The following RAD18 variants were observed in gnomAD, a reference collection of about 807,000 sequenced individuals.
RAD18 encodes E3 ubiquitin-protein ligase RAD18.
A neutral mutation model predicts 60.4 loss-of-function variants in RAD18; 47 were observed. That is an observed-to-expected ratio of 0.78 (90% CI 0.62 to 0.99). RAD18 has a LOEUF of 0.99. RAD18 is among the 50% of genes least tolerant of loss of function. The pLI is 0.00. For missense variants in RAD18, 640 were observed against 593.3 expected (o/e 1.08, Z -0.82); for synonymous variants, 225 against 195.5 (o/e 1.15, Z -1.26).
At chr3:8,889,345 G>C (rs1475346632) in intron 12 of RAD18, among the ~76,000 whole-genome samples, 1 of 152,074 alleles carries the variant, frequency 6.6e-6, no homozygotes, top group Non-Finnish European at 1.5e-5. Flanking sequence ...TGTAAAACAG[G>C]GATAATAGAA....
At chr3:8,927,000 C>G (rs992952985) in intron 7 of RAD18, among the ~76,000 whole-genome samples, 15 of 151,990 alleles carry the variant, frequency 9.9e-5, no homozygotes, top group Admixed American at 7.9e-4. Flanking sequence ...TAGGCATGGG[C>G]AAGGACTTCA....
chr3:8,941,444 C>A lies in RAD18; in HGVS notation c.604+23G>T, dbSNP rs943152015. The A allele has an allele frequency of 3.3e-6, 5 of 1,523,536 alleles. No homozygotes were observed. The African/African-American group carries it at 6.9e-5, about 21-fold the overall frequency. The allele number at this position is 1,523,536 out of a possible 1,614,324, so 94.4% of individuals were successfully genotyped here. A position where few individuals can be genotyped will look rare whatever the true frequency, so the allele number is the denominator to read the frequency against. On this transcript the variant is annotated intron_variant, in intron 5 of 12. Coordinates refer to ENST00000264926, the MANE Select transcript of RAD18 (RefSeq NM_020165.4). ...GTGGATGAAAAGATGTCCATATTTC[C>A]ACATATGAAAATAACTTCCTACCTT...
At chr3:8,944,303 A>T (rs1940804176) in intron 4 of RAD18, among the ~76,000 whole-genome samples, 1 of 152,174 alleles carries the variant, frequency 6.6e-6, no homozygotes, top group African/African-American at 2.4e-5. Context: ...ATAATTTAAA[A>T]CTTTTCCACA....
At chr3:8,891,075 A>AATATATATATATATATAT (rs71049753) in intron 11 of RAD18, among the ~76,000 whole-genome samples, 148 of 25,918 alleles carry the variant, frequency 5.7e-3, no homozygotes, top group African/African-American at 0.011. Flanking sequence ...ATATATATAA[A>AATATATATATATATATAT]ATATATATAT....
At chr3:8,939,457 C>T (rs912879189) in intron 6 of RAD18, 97 bp downstream of exon 6, 24 of 967,070 alleles carry the variant, frequency 2.5e-5, no homozygotes, top group Non-Finnish European at 3.1e-5. Flanking sequence ...GCAGGAAATA[C>T]GGTCACCAGG....
At chr3:8,912,411 C>T (rs1940120078) in intron 8 of RAD18, 39 bp from the exon 9 acceptor site, 1 of 1,365,934 alleles carries the variant, frequency 7.3e-7, no homozygotes, top group South Asian at 1.3e-5. Context: ...AAAATCTCCC[C>T]AAAATGACAA....
intron 2 of RAD18, among the ~76,000 whole-genome samples, chr3:8,948,933 A>T (rs1370948565): frequency 2.6e-5 from 4 of 152,190 alleles, no homozygotes; most frequent in African/African-American, 9.7e-5. Context: ...AATAATATAT[A>T]TACACATATT....
chr3:8,914,995 T>TAA (rs747164815), intron 7 of RAD18, among the ~76,000 whole-genome samples: 104,562 of 150,406 alleles, frequency 0.7, 36,886 homozygotes, highest in Middle Eastern at 0.77. Flanking sequence ...AAAAATTTTT[T>TAA]AAAATTAGCC....
At chr3:8,958,846 T>A (rs1180897488) in intron 2 of RAD18, 74 bp downstream of exon 2, 11 of 1,143,250 alleles carry the variant, frequency 9.6e-6, no homozygotes, top group Non-Finnish European at 1.5e-5. Flanking sequence ...TGTGCACATA[T>A]CTTTGGTGTT....
chr3:8,907,537 C>T (rs907704303), intron 9 of RAD18, among the ~76,000 whole-genome samples: 3 of 152,104 alleles, frequency 2.0e-5, no homozygotes, highest in Non-Finnish European at 4.4e-5. Flanking sequence ...GTCTGCCATG[C>T]CCCTATCCTT....
At chr3:8,932,866 G>A (rs45591135) in intron 7 of RAD18, among the ~76,000 whole-genome samples, 4,989 of 152,224 alleles carry the variant, frequency 0.033, 255 homozygotes, top group East Asian at 0.21. Context: ...GGGAGGCAGA[G>A]GCGGGCAGAT....
At chr3:8,955,608 C>T (rs1245227480) in intron 2 of RAD18, among the ~76,000 whole-genome samples, 1 of 152,144 alleles carries the variant, frequency 6.6e-6, no homozygotes, top group East Asian at 1.9e-4. Context: ...GATCAGCATA[C>T]TTTAGATGCT....
At chr3:8,908,702 A>C (rs765484788) in intron 9 of RAD18, among the ~76,000 whole-genome samples, 48 of 152,216 alleles carry the variant, frequency 3.2e-4, no homozygotes, top group Non-Finnish European at 3.2e-4. Flanking sequence ...AAAAACACAT[A>C]ATTAGAAATT....
chr3:8,910,489 C>T (rs1052600506), intron 9 of RAD18, among the ~76,000 whole-genome samples: 9 of 151,682 alleles, frequency 5.9e-5, no homozygotes, highest in Middle Eastern at 6.3e-3. Context: ...ACTCAGGAGG[C>T]GCCAGCTACT....
At chr3:8,955,294 G>A (rs1940989384) in intron 2 of RAD18, among the ~76,000 whole-genome samples, 1 of 152,162 alleles carries the variant, frequency 6.6e-6, no homozygotes, top group Non-Finnish European at 1.5e-5. Flanking sequence ...AGAGAAAGAA[G>A]GGAAACACGG....
At chr3:8,901,181 C>A (rs574731038) in intron 10 of RAD18, among the ~76,000 whole-genome samples, 4 of 152,226 alleles carry the variant, frequency 2.6e-5, no homozygotes, top group African/African-American at 9.6e-5. Context: ...AAATAACAAG[C>A]ATTGATGAGG....
At chr3:8,952,273 T>C (rs370328240) in intron 2 of RAD18, among the ~76,000 whole-genome samples, 1 of 152,206 alleles carries the variant, frequency 6.6e-6, no homozygotes, top group African/African-American at 2.4e-5. Context: ...AAATCAGATA[T>C]GGATGAGACT....
At chr3:8,908,587 T>G (rs765249689) in intron 9 of RAD18, among the ~76,000 whole-genome samples, 1 of 152,166 alleles carries the variant, frequency 6.6e-6, no homozygotes, top group Non-Finnish European at 1.5e-5. Context: ...TGCTGACATC[T>G]TGATCTTGGA....
At chr3:8,948,687 T>A (rs1940877726) in intron 2 of RAD18, 117 bp from the exon 3 acceptor site, 2 of 791,434 alleles carry the variant, frequency 2.5e-6, no homozygotes, top group Admixed American at 5.5e-5. Flanking sequence ...TATATCATCA[T>A]AAGCTTAAAT....
Sources: allele counts gnomAD v4.1 joint callset (sites outside exome capture counted in the v4.1 genomes callset), GRCh38; gene constraint gnomAD v4.1.1; transcripts MANE v1.5; gene names NCBI Gene and HGNC (gene_info 2026-07-23, HGNC 2026-07-21).